The following MBP variants were observed in gnomAD, a reference collection of about 807,000 sequenced individuals.
The protein encoded by MBP is Golli-MBP.
Under a neutral mutation model 35.8 loss-of-function variants are expected in MBP, and 16 were observed. The ratio of observed to expected loss-of-function variants is 0.45; its 90% CI spans 0.30 to 0.68. The LOEUF is 0.68. MBP is among the 30% of genes least tolerant of loss of function. The pLI, the probability that MBP is intolerant of heterozygous loss-of-function variation, is 0.08. For missense variants in MBP, 380 were observed against 404.7 expected, an observed-to-expected ratio of 0.94 and a Z score of 0.52; for synonymous variants, 143 against 159.6, an observed-to-expected ratio of 0.90 and a Z score of 0.78.
At chr18:77,053,869 G>C (rs115106015) in intron 3 of MBP, among the ~76,000 whole-genome samples, 1 of 152,238 alleles carries the variant, frequency 6.6e-6, no homozygotes, top group Non-Finnish European at 1.5e-5. Context: ...AGATGTCCCT[G>C]CCTTCATGGG....
chr18:77,103,020 C>T (rs1568340993), intron 2 of MBP, among the ~76,000 whole-genome samples: 1 of 152,076 alleles, frequency 6.6e-6, no homozygotes, highest in Non-Finnish European at 1.5e-5. Context: ...TGACTAGAAC[C>T]ATTTACATAT....
intron 3 of MBP, 125 bp downstream of exon 3, chr18:77,066,173 G>A (rs1328860499): frequency 2.9e-6 from 2 of 686,908 alleles, no homozygotes; most frequent in Admixed American, 2.6e-5. Flanking sequence ...CTATGTTTTA[G>A]TAATGAGTAC....
intron 4 of MBP, among the ~76,000 whole-genome samples, chr18:77,007,752 C>A (rs1323231062): frequency 6.6e-6 from 1 of 152,218 alleles, no homozygotes; most frequent in African/African-American, 2.4e-5. Context: ...TGGAAGCCTG[C>A]AGACTTTTAA....
At position 77,098,168 on chromosome 18, in the gene MBP, C is replaced by CTTTT. The variant is rs3214873; in HGVS notation, c.51+7039_51+7042dup. On this transcript the variant is annotated intron_variant, in intron 2 of 8. Transcript: ENST00000355994. ...TTCTGAGGACAGACACAAGGACTTCCTTTTTTTTTTTTTTTTTTTTTACAA... is the reference window on the plus strand; with the variant it reads ...TTCTGAGGACAGACACAAGGACTTCCTTTTTTTTTTTTTTTTTTTTTTTTTACAA... Among the ~76,000 whole-genome samples, 138 of 108,510 alleles carry CTTTT rather than the reference C, an allele frequency of 1.3e-3. 5 individuals carry two copies. Among genetic ancestry groups the CTTTT allele is most frequent in the East Asian group, 4.2e-3 (13 of 3,120 alleles). 71.2% of individuals were successfully genotyped at this position (108,510 alleles called of 152,430 possible). A position where few individuals can be genotyped will look rare whatever the true frequency, so the allele number is the denominator to read the frequency against.
rs532824990 is a variant in MBP at position 76,984,552 on chromosome 18, C to T, written c.870+223G>A. Reference sequence around the variant, plus strand: ...GCCCCTGAACCAGCCCAGGCGCAGCCCTTCCTCAAGCACCTCCGGCTTCAC... The same window carrying T: ...GCCCCTGAACCAGCCCAGGCGCAGCTCTTCCTCAAGCACCTCCGGCTTCAC... On this transcript the variant is annotated intron_variant, in intron 8 of 8. Coordinates refer to ENST00000355994, the MANE Select transcript of MBP (RefSeq NM_001025101.2). The T allele has an allele frequency of 2.5e-4, 150 of 589,568 alleles. 1 individual carries two copies. The East Asian group carries it at 3.9e-3, about 16-fold the overall frequency. 36.5% of individuals were successfully genotyped at this position (589,568 alleles called of 1,614,324 possible).
At chr18:77,061,076 C>A (rs1420787602) in intron 3 of MBP, among the ~76,000 whole-genome samples, 1 of 152,172 alleles carries the variant, frequency 6.6e-6, no homozygotes, top group East Asian at 1.9e-4. Flanking sequence ...GGAAGGGACC[C>A]CAAGTTCTTG....
At chr18:77,079,388 G>T (rs1252574461) in intron 2 of MBP, among the ~76,000 whole-genome samples, 4 of 152,194 alleles carry the variant, frequency 2.6e-5, no homozygotes, top group Non-Finnish European at 4.4e-5. Flanking sequence ...GCTCAAACAT[G>T]TAGGTTTGGA....
At chr18:77,015,149 A>G in intron 4 of MBP, 3 of 984,718 alleles carry the variant, frequency 3.0e-6, no homozygotes, top group Non-Finnish European at 3.6e-6. Flanking sequence ...AGTCACAATG[A>G]TTGATATCAA....
At chr18:77,094,470 C>A (rs1289068769) in intron 2 of MBP, among the ~76,000 whole-genome samples, 1 of 152,170 alleles carries the variant, frequency 6.6e-6, no homozygotes, top group Non-Finnish European at 1.5e-5. Flanking sequence ...CACACCTTAA[C>A]GGGGACACTT....
chr18:77,095,839 T>C (rs1975736761), intron 2 of MBP, among the ~76,000 whole-genome samples: 1 of 152,226 alleles, frequency 6.6e-6, no homozygotes, highest in African/African-American at 2.4e-5. Flanking sequence ...TAACAAACAG[T>C]TCCTCAACGT....
rs1284861962 is a variant in MBP at position 77,059,530 on chromosome 18, TATTAAA to T, written c.139+6762_139+6767del. ...GATAATAATTTAACCTTAATTACATTATTAAAATTAAAATTAATTAATTTTTATCTA... is the reference window on the plus strand; with the variant it reads ...GATAATAATTTAACCTTAATTACATTATTAAAATTAATTAATTTTTATCTA... On this transcript the variant is annotated intron_variant, in intron 3 of 8. Coordinates refer to ENST00000355994, the MANE Select transcript of MBP (RefSeq NM_001025101.2). Among the ~76,000 whole-genome samples the T allele has an allele frequency of 6.6e-5, 10 of 151,704 alleles. No individual in the cohort carries two copies. In the East Asian group the frequency reaches 7.7e-4, roughly 12 times the overall value.
intron 2 of MBP, among the ~76,000 whole-genome samples, chr18:77,082,992 T>G: frequency 6.6e-6 from 1 of 151,540 alleles, no homozygotes; most frequent in East Asian, 1.9e-4. Flanking sequence ...TTTTTTTTCT[T>G]GAGACACAGT....
intron 1 of MBP, among the ~76,000 whole-genome samples, chr18:77,124,585 G>A (rs924423754): frequency 2.0e-5 from 3 of 152,218 alleles, no homozygotes; most frequent in African/African-American, 4.8e-5. Flanking sequence ...CCTGTCTCAG[G>A]TGAGTTCGGA....
intron 1 of MBP, among the ~76,000 whole-genome samples, chr18:77,125,348 G>A (rs1977014440): frequency 6.6e-6 from 1 of 151,936 alleles, no homozygotes; most frequent in Admixed American, 6.6e-5. Flanking sequence ...AAAAAGCACA[G>A]ATAATAATCT....
chr18:77,019,929 T>C (rs1002816134), intron 3 of MBP, among the ~76,000 whole-genome samples: 4 of 152,050 alleles, frequency 2.6e-5, no homozygotes, highest in African/African-American at 9.7e-5. Context: ...GGCCAGGCAG[T>C]AACCTGGGAG....
chr18:77,000,426 G>T (rs2974261), intron 4 of MBP, among the ~76,000 whole-genome samples: 123,349 of 152,224 alleles, frequency 0.81, 50,175 homozygotes, highest in Middle Eastern at 0.84. Flanking sequence ...TCATCACGAT[G>T]CATAGAGCAA....
chr18:77,023,672 C>T (rs1475105838), intron 3 of MBP, among the ~76,000 whole-genome samples: 3 of 152,152 alleles, frequency 2.0e-5, no homozygotes, highest in Non-Finnish European at 4.4e-5. Flanking sequence ...TCCTCCGTGG[C>T]GCCATGTGCA....
intron 1 of MBP, among the ~76,000 whole-genome samples, chr18:77,128,154 C>T (rs948179171): frequency 5.9e-5 from 9 of 152,318 alleles, no homozygotes; most frequent in South Asian, 2.1e-4. Context: ...CCTGGGTGAA[C>T]GGTTGAACAC....
At chr18:77,055,476 C>G (rs566621718) in intron 3 of MBP, among the ~76,000 whole-genome samples, 1 of 152,190 alleles carries the variant, frequency 6.6e-6, no homozygotes, top group Non-Finnish European at 1.5e-5. Context: ...AGATGAACTG[C>G]GCTTAAAATG....
Sources: gnomAD v4.1 joint callset for allele counts (sites outside exome capture counted in the v4.1 genomes callset) on GRCh38, gnomAD v4.1.1 for gene constraint, MANE v1.5 for transcripts, NCBI Gene and HGNC (gene_info 2026-07-23, HGNC 2026-07-21) for gene names.